ZFHX3: variants seen among roughly 807,000 people sequenced by gnomAD.
The protein encoded by ZFHX3 is zinc finger homeobox 3.
Under a neutral mutation model 279.1 loss-of-function variants are expected in ZFHX3, and 42 were observed. The ratio of observed to expected loss-of-function variants is 0.15; its 90% confidence interval spans 0.12 to 0.19. ZFHX3 has a LOEUF of 0.19. Among genes scored for constraint, ZFHX3 ranks in the 10% least tolerant of loss-of-function variants. The pLI is 1.00. For missense variants in ZFHX3, 4,981 were observed against 4,754.0 expected (o/e 1.05, Z -1.40); for synonymous variants, 2,293 against 1,957.8 (o/e 1.17, Z -4.52).
intron 1 of ZFHX3, among the ~76,000 whole-genome samples, chr16:73,783,292 C>T (rs1290976794): frequency 6.6e-6 from 1 of 152,226 alleles, no homozygotes; most frequent in Non-Finnish European, 1.5e-5. Context: ...CGTATGGGAT[C>T]TGCTGAGGCC....
At chr16:73,603,926 G>C (rs949545382) in intron 2 of ZFHX3, among the ~76,000 whole-genome samples, 10 of 151,750 alleles carry the variant, frequency 6.6e-5, no homozygotes, top group African/African-American at 2.4e-4. Context: ...TTACAGGCAT[G>C]TGTCACCATG....
chr16:73,100,827 C>T (rs750466056), intron 7 of ZFHX3, among the ~76,000 whole-genome samples: 6 of 152,128 alleles, frequency 3.9e-5, no homozygotes, highest in African/African-American at 4.8e-5. Context: ...GAACTCCTGA[C>T]CTCAGGTGAT....
chr16:73,384,197 TA>T (rs1391162421), intron 3 of ZFHX3, among the ~76,000 whole-genome samples: 3 of 152,192 alleles, frequency 2.0e-5, no homozygotes, highest in Non-Finnish European at 4.4e-5. Flanking sequence ...TTTTTATAAA[TA>T]AAGATTTATT....
chr16:72,959,938 G>GC lies in ZFHX3; in HGVS notation c.207dup (p.Pro70AlafsTer49). On this transcript the variant is annotated frameshift_variant, in exon 2 of 10. Coordinates refer to ENST00000268489, the MANE Select transcript of ZFHX3 (RefSeq NM_006885.4). LOFTEE classifies it high-confidence loss of function. The stretch of plus-strand genomic sequence containing the variant: ...TCCTTGCTGGCGGGCTCGGAGGGGG[G>GC]CCCGGCCGACGCGGTGCTCTCCGCG... 1 of 1,600,132 alleles carries GC rather than the reference G, an allele frequency of 6.2e-7. No individual in the cohort carries two copies. The highest frequency in any genetic ancestry group is 8.5e-7 in the Non-Finnish European group (1 of 1,173,090).
At chr16:73,589,186 G>A (rs764322667) in intron 2 of ZFHX3, among the ~76,000 whole-genome samples, 10 of 144,598 alleles carry the variant, frequency 6.9e-5, no homozygotes, top group East Asian at 2.1e-4. Flanking sequence ...CTTGACCCTC[G>A]GAGGGGAAGG....
At chr16:72,831,543 A>G (rs1477023503) in intron 4 of ZFHX3, among the ~76,000 whole-genome samples, 1 of 152,196 alleles carries the variant, frequency 6.6e-6, no homozygotes, top group Non-Finnish European at 1.5e-5. Flanking sequence ...AGAGCCCCAC[A>G]TTGACACCAT....
intron 1 of ZFHX3, among the ~76,000 whole-genome samples, chr16:72,991,147 A>G (rs897555474): frequency 1.3e-5 from 2 of 152,088 alleles, no homozygotes; most frequent in African/African-American, 4.8e-5. Flanking sequence ...CAGTACAGTA[A>G]GATATTCTGA....
At chr16:73,567,540 C>T (rs1050849470) in intron 2 of ZFHX3, among the ~76,000 whole-genome samples, 1 of 152,230 alleles carries the variant, frequency 6.6e-6, no homozygotes, top group Non-Finnish European at 1.5e-5. Flanking sequence ...ACACAACATT[C>T]TCGTTTGCCA....
chr16:72,920,638 C>G (rs2039561514), intron 3 of ZFHX3, among the ~76,000 whole-genome samples: 1 of 151,782 alleles, frequency 6.6e-6, no homozygotes, highest in South Asian at 2.1e-4. Context: ...CCATTGCACT[C>G]CAGCCTGGGT....
At chr16:73,091,528 A>G (rs1195203824) in intron 8 of ZFHX3, among the ~76,000 whole-genome samples, 2 of 152,156 alleles carry the variant, frequency 1.3e-5, no homozygotes, top group Admixed American at 1.3e-4. Flanking sequence ...GAGGTTGGCT[A>G]TGTCAAATGG....
At chr16:72,790,902 C>T (rs949878405) in intron 9 of ZFHX3, 54 of 152,312 alleles carry the variant, frequency 3.5e-4, no homozygotes, top group African/African-American at 1.3e-3. Context: ...AACTGTGTGT[C>T]TTCAACTGAT....
In ZFHX3 at chr16:72,870,732, A is replaced by AG. The variant is rs1202391891; in HGVS notation, c.3448+18998_3448+18999insC. 4.7e-4 allele frequency among the ~76,000 whole-genome samples: 72 copies of AG among 151,710 alleles called. No homozygotes were observed. The East Asian group carries it at 5.2e-3, about 11-fold the overall frequency. On this transcript the variant is annotated intron_variant, in intron 4 of 9. Transcript: ENST00000268489. ...GACTCTGTCTCAAAAAAAAAAAAAA[A>AG]AAAAGAAAGAACATGAAAGAGGACA...
intron 1 of ZFHX3, among the ~76,000 whole-genome samples, chr16:73,047,313 T>C (rs1965333859): frequency 6.6e-6 from 1 of 151,796 alleles, no homozygotes; most frequent in Non-Finnish European, 1.5e-5. Context: ...TCTCCAAAGG[T>C]GCCCTCCAGC....
At chr16:73,108,110 G>A (rs201997078) in intron 7 of ZFHX3, among the ~76,000 whole-genome samples, 1 of 152,084 alleles carries the variant, frequency 6.6e-6, no homozygotes, top group Non-Finnish European at 1.5e-5. Context: ...GCAGTGAGCC[G>A]AGATTGTGCC....
At chr16:73,249,358 G>A (rs908577076) in intron 5 of ZFHX3, among the ~76,000 whole-genome samples, 2 of 152,210 alleles carry the variant, frequency 1.3e-5, no homozygotes, top group Non-Finnish European at 2.9e-5. Context: ...ACATACCCAA[G>A]AATGGGTAAT....
intron 1 of ZFHX3, among the ~76,000 whole-genome samples, chr16:73,731,860 C>T (rs1341687238): frequency 3.9e-5 from 6 of 151,992 alleles, no homozygotes; most frequent in African/African-American, 1.5e-4. Context: ...TAAAGACACA[C>T]GTTTTGGAAG....
At chr16:73,000,467 T>C (rs972657492) in intron 1 of ZFHX3, among the ~76,000 whole-genome samples, 4 of 152,180 alleles carry the variant, frequency 2.6e-5, no homozygotes, top group Non-Finnish European at 5.9e-5. Context: ...TGTCTGGCAC[T>C]CGGCTCAACC....
chr16:72,833,633 C>A (rs2143743069), intron 4 of ZFHX3, among the ~76,000 whole-genome samples: 1 of 152,252 alleles, frequency 6.6e-6, no homozygotes. Context: ...CAGAGCACAC[C>A]AGGAATGCTT....
At chr16:73,121,609 T>C (rs1966500271) in intron 7 of ZFHX3, among the ~76,000 whole-genome samples, 1 of 149,672 alleles carries the variant, frequency 6.7e-6, no homozygotes, top group Non-Finnish European at 1.5e-5. Flanking sequence ...CAGAACTAAT[T>C]GCAGCTTTCT....
Sources: allele counts gnomAD v4.1 joint callset (sites outside exome capture counted in the v4.1 genomes callset), GRCh38; gene constraint gnomAD v4.1.1; transcripts MANE v1.5; gene names NCBI Gene and HGNC (gene_info 2026-07-23, HGNC 2026-07-21).